The following PDGFRB variants were observed in gnomAD, a reference collection of about 807,000 sequenced individuals.
The protein encoded by PDGFRB is platelet derived growth factor receptor beta.
In PDGFRB, 42 loss-of-function variants were observed where a neutral mutation model predicts 120.2. The ratio of observed to expected loss-of-function variants is 0.35; its 90% CI spans 0.27 to 0.45. PDGFRB has a LOEUF of 0.45. Among genes scored for constraint, PDGFRB ranks in the 20% least tolerant of loss-of-function variants. The pLI, the probability that PDGFRB is intolerant of heterozygous loss-of-function variation, is 1.00. For synonymous variants in PDGFRB, 586 were observed against 606.8 expected (o/e 0.97, Z 0.50); for missense variants, 1,149 against 1,476.3 (o/e 0.78, Z 3.63).
At chr5:150,135,910 A>G in intron 2 of PDGFRB, 32 bp from the exon 3 acceptor site, 1 of 1,471,008 alleles carries the variant, frequency 6.8e-7, no homozygotes, top group Non-Finnish European at 9.1e-7. Context: ...ACATCAGGAA[A>G]CAGGGGCTTC....
intron 14 of PDGFRB, 192 bp downstream of exon 14, chr5:150,124,058 A>T: frequency 2.3e-6 from 1 of 427,114 alleles, no homozygotes; most frequent in Admixed American, 4.1e-5. Context: ...TTCAGCCTTG[A>T]AGGTGTTGTG....
chr5:150,128,291 G>T (rs1366952483), intron 10 of PDGFRB, among the ~76,000 whole-genome samples: 3 of 152,248 alleles, frequency 2.0e-5, no homozygotes, highest in Non-Finnish European at 4.4e-5. Context: ...CTTGCTCAGA[G>T]AATGTGTATG....
Position 150,135,526 on chromosome 5 carries a change from G to A in PDGFRB, c.364+29C>T, listed in dbSNP as rs376520806. The A allele has an allele frequency of 6.3e-6, 9 of 1,419,516 alleles. No homozygotes were observed. The African/African-American group carries it at 1.3e-4, about 20-fold the overall frequency. The allele number at this position is 1,419,516 out of a possible 1,614,324, so 87.9% of individuals were successfully genotyped here. On this transcript the variant is annotated intron_variant, in intron 3 of 22. Transcript: ENST00000261799. Reference sequence around the variant, plus strand: ...GCCTCCAGTTGACAAGAGGGGTAAGGAGTGGGCACACAGGCTGGGAGCCCT... The same window carrying A: ...GCCTCCAGTTGACAAGAGGGGTAAGAAGTGGGCACACAGGCTGGGAGCCCT...
chr5:150,132,019 C>T lies in PDGFRB; in HGVS notation c.1203G>A (p.Glu401=), dbSNP rs1280294041. 1 of 1,610,860 alleles carries T rather than the reference C, an allele frequency of 6.2e-7. No individual in the cohort carries two copies. ...AGHYTMRAFH[E]DAEVQLSFQL... Reference sequence around the variant, plus strand: ...GGAAGGAGAGCTGGACCTCAGCATCCTCATGGAAGGCCCGCATGGTGTAGT... The same window carrying T: ...GGAAGGAGAGCTGGACCTCAGCATCTTCATGGAAGGCCCGCATGGTGTAGT... The change falls in exon 8 of 23, where the codon GAG becomes GAA. Residue 401 remains glutamate, a synonymous_variant. Transcript: ENST00000261799. The surrounding 1 kb of genome is among the most constrained non-coding windows in gnomAD (Gnocchi z 5.0).
Position 150,120,076 on chromosome 5 carries a change from G to T in PDGFRB, c.2634C>A (p.Ser878Arg). ...ACACGTCGCTCAGGGTGGTGTAGAG[G>T]CTGTTGAAGATGCTCTCCGGAGCCA... ...KWMAPESIFNSLYTTLSDVWS... is the reference protein window; with the variant it reads ...KWMAPESIFNRLYTTLSDVWS... Residue 878 changes from serine (S) to arginine (R), a missense_variant, in exon 19 of 23, where the codon AGC becomes AGA. Coordinates refer to ENST00000261799, the MANE Select transcript of PDGFRB (RefSeq NM_002609.4). This position sits in a 1 kb window ranked among gnomAD's most constrained non-coding sequence, Gnocchi z 4.3. The T allele has an allele frequency of 6.2e-7, 1 of 1,608,112 alleles. No individual in the cohort carries two copies. Among genetic ancestry groups the T allele is most frequent in the East Asian group, 2.2e-5 (1 of 44,858 alleles).
chr5:150,142,685 G>T lies in PDGFRB; in HGVS notation c.-6-5632C>A, dbSNP rs79142118. On this transcript the variant is annotated intron_variant, in intron 1 of 22. Coordinates refer to ENST00000261799, the MANE Select transcript of PDGFRB (RefSeq NM_002609.4). Reference sequence around the variant, plus strand: ...GCCCCAGTAGATGCCTGAAACTTTGGATAAAACCAAACCCCATACATACTA... The same window carrying T: ...GCCCCAGTAGATGCCTGAAACTTTGTATAAAACCAAACCCCATACATACTA... Among the ~76,000 whole-genome samples, 184 of 151,486 alleles carry T rather than the reference G, an allele frequency of 1.2e-3. 1 individual carries two copies. Among genetic ancestry groups the T allele is most frequent in the African/African-American group, 4.2e-3 (172 of 41,314 alleles).
At position 150,132,803 on chromosome 5, in the gene PDGFRB, G is replaced by A. The variant is rs770532276; in HGVS notation, c.1074C>T (p.Gly358=). 7 of 1,612,656 alleles carry A rather than the reference G, an allele frequency of 4.3e-6. No individual in the cohort carries two copies. The highest frequency in any genetic ancestry group is 2.7e-5 in the African/African-American group (2 of 75,058). ...GGGCGATTTCGCCAGCGCTGGAGTC[G>A]CCCAGGGTGCGGTTGTCTTTGAACC... ...VLWFKDNRTL[G]DSSAGEIALS... Residue 358 remains glycine, a synonymous_variant, in exon 7 of 23, where the codon GGC becomes GGT. Coordinates refer to ENST00000261799, the MANE Select transcript of PDGFRB (RefSeq NM_002609.4). This position sits in a 1 kb window ranked among gnomAD's most constrained non-coding sequence, Gnocchi z 5.0.
rs555547950 is a variant in PDGFRB, at chr5:150,137,196, G to A, written c.-6-143C>T. On this transcript the variant is annotated intron_variant, in intron 1 of 22. Coordinates refer to ENST00000261799, the MANE Select transcript of PDGFRB (RefSeq NM_002609.4). ...AGGGGCTGAAGTCAAAAGCCACCACGTCCCAAGCCTGAAAGGGCACTCATG... is the reference window on the plus strand; with the variant it reads ...AGGGGCTGAAGTCAAAAGCCACCACATCCCAAGCCTGAAAGGGCACTCATG... The A allele has an allele frequency of 1.5e-3, 936 of 627,684 alleles. 14 individuals carry two copies. In the South Asian group the frequency reaches 0.015, roughly 10 times the overall value. 38.9% of individuals were successfully genotyped at this position (627,684 alleles called of 1,614,324 possible).
chr5:150,117,540 GCGCGCACACACACACA>G lies in PDGFRB; in HGVS notation c.3137+62_3137+77del, dbSNP rs1484031990. The G allele has an allele frequency of 5.6e-5, 33 of 593,474 alleles. No individual in the cohort carries two copies. In the African/African-American group the frequency reaches 7.7e-4, roughly 14 times the overall value. 36.8% of individuals were successfully genotyped at this position (593,474 alleles called of 1,614,324 possible). A position where few individuals can be genotyped will look rare whatever the true frequency, so the allele number is the denominator to read the frequency against. On this transcript the variant is annotated intron_variant, in intron 22 of 22. Transcript: ENST00000261799. ...GGCAAACCTGGCAGCGCGCGCGCGC[GCGCGCACACACACACA>G]CACACACACACACACACACACACTG...
chr5:150,136,540 G>A (rs1048925951), intron 2 of PDGFRB, among the ~76,000 whole-genome samples: 4 of 152,160 alleles, frequency 2.6e-5, no homozygotes, highest in African/African-American at 4.8e-5. Context: ...GCCAGCTGCC[G>A]GGCAGGCTGC....
chr5:150,119,318 T>A (rs1760059473), intron 20 of PDGFRB, 149 bp downstream of exon 20: 3 of 670,166 alleles, frequency 4.5e-6, no homozygotes, highest in East Asian at 2.5e-5. Flanking sequence ...AGGTTCCTGA[T>A]GCCATCCTTT....
chr5:150,141,256 C>G (rs1328578371), intron 1 of PDGFRB, among the ~76,000 whole-genome samples: 1 of 152,242 alleles, frequency 6.6e-6, no homozygotes, highest in Non-Finnish European at 1.5e-5. Context: ...GTGTATGCAG[C>G]ACATACAACA....
rs1333451747 is a variant in PDGFRB, at chr5:150,150,732, A to G, written c.-7+4665T>C. Among the ~76,000 whole-genome samples the G allele has an allele frequency of 5.9e-5, 9 of 152,104 alleles. No individual in the cohort carries two copies. The East Asian group carries it at 1.7e-3, about 29-fold the overall frequency. ...GAAGTGGGCTTCCACACTGGAAGCA[A>G]CAAGCATGGGAATTTCACACCCACT... On this transcript the variant is annotated intron_variant, in intron 1 of 22. Coordinates refer to ENST00000261799, the MANE Select transcript of PDGFRB (RefSeq NM_002609.4).
chr5:150,135,932 C>T, intron 2 of PDGFRB, 54 bp from the exon 3 acceptor site: 1 of 1,331,710 alleles, frequency 7.5e-7, no homozygotes, highest in Non-Finnish European at 1.0e-6. Context: ...GCACCTCTCC[C>T]AAGGCTGAGC....
chr5:150,116,534 G>A (rs1561981660), intron 22 of PDGFRB, among the ~76,000 whole-genome samples: 1 of 151,958 alleles, frequency 6.6e-6, no homozygotes, highest in Non-Finnish European at 1.5e-5. Flanking sequence ...GCTTGAACCT[G>A]GGAGGTGGAG....
chr5:150,133,421 A>T (rs541083835), intron 6 of PDGFRB, among the ~76,000 whole-genome samples, 165 bp downstream of exon 6: 1 of 152,174 alleles, frequency 6.6e-6, no homozygotes, highest in South Asian at 2.1e-4. Flanking sequence ...GCTGCACTGG[A>T]GTGTGGCTGA....
rs188981582 is a variant in PDGFRB at position 150,135,649 on chromosome 5, G to A, written c.270C>T (p.Leu90=). Reference sequence around the variant, plus strand: ...AGTATTCTCCCGTGTCTAGCCCAGTGAGGTTGGTCAGTGTGAGCACGCTGG... The same window carrying A: ...AGTATTCTCCCGTGTCTAGCCCAGTAAGGTTGGTCAGTGTGAGCACGCTGG... ...TFSSVLTLTN[L]TGLDTGEYFC... The change falls in exon 3 of 23, where the codon CTC becomes CTT. Residue 90 remains leucine, a synonymous_variant. Coordinates refer to ENST00000261799, the MANE Select transcript of PDGFRB (RefSeq NM_002609.4). 9.3e-6 allele frequency: 15 copies of A among 1,613,966 alleles called. No homozygotes were observed. In the African/African-American group the frequency reaches 1.9e-4, roughly 20 times the overall value.
At position 150,134,732 on chromosome 5, in the gene PDGFRB, G is replaced by T. The variant is rs763206291; in HGVS notation, c.631+18C>A. The T allele has an allele frequency of 1.3e-6, 2 of 1,597,836 alleles. No individual in the cohort carries two copies. The highest frequency in any genetic ancestry group is 1.7e-6 in the Non-Finnish European group (2 of 1,171,450). The stretch of plus-strand genomic sequence containing the variant: ...TATACTTGCCTCTGCTGAGCATCAG[G>T]CCAGAAAGGGGGCTCACCCTGGAGT... On this transcript the variant is annotated intron_variant, in intron 4 of 22. Coordinates refer to ENST00000261799, the MANE Select transcript of PDGFRB (RefSeq NM_002609.4).
intron 19 of PDGFRB, 28 bp from the exon 20 acceptor site, chr5:150,119,594 A>T: frequency 7.2e-7 from 1 of 1,386,306 alleles, no homozygotes; most frequent in East Asian, 2.3e-5. Context: ...CAAGAGATAC[A>T]CAGGCTCAGG....
Sources: gnomAD v4.1 joint callset for allele counts (sites outside exome capture counted in the v4.1 genomes callset) on GRCh38, gnomAD v4.1.1 for gene constraint, Gnocchi (gnomAD v3.1) non-coding constraint, MANE v1.5 for transcripts, NCBI Gene and HGNC (gene_info 2026-07-23, HGNC 2026-07-21) for gene names.